C8orf34: variants seen among roughly 807,000 people sequenced by gnomAD.
C8orf34 encodes chromosome 8 open reading frame 34, also known as uncharacterized protein C8orf34.
A neutral mutation model predicts 68.3 loss-of-function variants in C8orf34; 65 were observed. The ratio of observed to expected loss-of-function variants is 0.95; its 90% CI spans 0.78 to 1.17. The LOEUF (loss-of-function observed/expected upper bound fraction) is 1.17, where lower values mean the gene tolerates loss of function less well. C8orf34 is among the 50% of genes most tolerant of loss of function. The pLI is 0.00. For synonymous variants in C8orf34, 244 were observed against 241.2 expected, an observed-to-expected ratio of 1.01 and a Z score of -0.11; for missense variants, 664 against 655.4, an observed-to-expected ratio of 1.01 and a Z score of -0.14.
At chr8:68,762,742 T>A (rs1481735705) in intron 10 of C8orf34, among the ~76,000 whole-genome samples, 1 of 152,236 alleles carries the variant, frequency 6.6e-6, no homozygotes, top group African/African-American at 2.4e-5. Context: ...TGATGTGGTT[T>A]GGCCTTCTCA....
chr8:68,684,817 T>C (rs1405079895), intron 8 of C8orf34, among the ~76,000 whole-genome samples: 1 of 152,006 alleles, frequency 6.6e-6, no homozygotes, highest in Non-Finnish European at 1.5e-5. Context: ...AAATTTCCCT[T>C]TTTGGTTTTA....
intron 8 of C8orf34, among the ~76,000 whole-genome samples, chr8:68,679,399 A>G (rs1820295486): frequency 6.6e-6 from 1 of 152,184 alleles, no homozygotes; most frequent in African/African-American, 2.4e-5. Context: ...AATAAAAACT[A>G]TAAAACACTG....
intron 1 of C8orf34, among the ~76,000 whole-genome samples, chr8:68,402,801 T>G (rs1809014907): frequency 6.6e-6 from 1 of 152,208 alleles, no homozygotes; most frequent in Non-Finnish European, 1.5e-5. Context: ...TTTTTAAAAA[T>G]GTGACTTATT....
chr8:68,569,438 G>C (rs917091355), intron 7 of C8orf34, among the ~76,000 whole-genome samples: 2 of 152,084 alleles, frequency 1.3e-5, no homozygotes, highest in Non-Finnish European at 2.9e-5. Context: ...AACACTTGTC[G>C]GCCCCTCCCC....
chr8:68,750,652 C>T (rs947113468), intron 10 of C8orf34, among the ~76,000 whole-genome samples: 2 of 151,958 alleles, frequency 1.3e-5, no homozygotes, highest in African/African-American at 2.4e-5. Flanking sequence ...GTGTGTGATC[C>T]GCAAACAGAA....
At chr8:68,369,120 T>A (rs964909252) in intron 1 of C8orf34, among the ~76,000 whole-genome samples, 4 of 152,226 alleles carry the variant, frequency 2.6e-5, no homozygotes, top group African/African-American at 9.6e-5. Flanking sequence ...AGCAGACAAG[T>A]AATAAATATT....
intron 7 of C8orf34, among the ~76,000 whole-genome samples, chr8:68,609,080 A>G (rs533208268): frequency 6.6e-6 from 1 of 152,280 alleles, no homozygotes; most frequent in South Asian, 2.1e-4. Context: ...AGTCTGAAGC[A>G]GGAGGATTGC....
intron 1 of C8orf34, among the ~76,000 whole-genome samples, chr8:68,342,899 T>C (rs1051968482): frequency 4.6e-4 from 70 of 151,926 alleles, no homozygotes; most frequent in African/African-American, 1.6e-3. Flanking sequence ...CTCTCCTTAA[T>C]AGGGAAAGAA....
chr8:68,725,641 G>A (rs926340033), intron 10 of C8orf34, among the ~76,000 whole-genome samples: 1 of 152,150 alleles, frequency 6.6e-6, no homozygotes, highest in African/African-American at 2.4e-5. Context: ...CCACTTTGCT[G>A]TGAAGTAGTG....
chr8:68,491,570 A>G (rs1471549788), intron 5 of C8orf34, among the ~76,000 whole-genome samples: 1 of 152,102 alleles, frequency 6.6e-6, no homozygotes, highest in Non-Finnish European at 1.5e-5. Context: ...TCTGTCTCTA[A>G]CTTCAGCCAG....
intron 7 of C8orf34, among the ~76,000 whole-genome samples, chr8:68,558,041 C>T (rs1267022535): frequency 2.6e-5 from 4 of 152,102 alleles, no homozygotes; most frequent in Non-Finnish European, 5.9e-5. Context: ...AATGTTCCAC[C>T]TAAAATATGA....
chr8:68,810,221 C>T lies in C8orf34; in HGVS notation c.1550-5665C>T, dbSNP rs76667044. Among the ~76,000 whole-genome samples the T allele has an allele frequency of 2.6e-4, 39 of 152,274 alleles. 2 individuals are homozygous for T. In the East Asian group the frequency reaches 6.8e-3, roughly 26 times the overall value. On this transcript the variant is annotated intron_variant, in intron 12 of 13. Transcript: ENST00000518698. ...GCCAGGCACAGAGTAGTAAGGGGTG[C>T]GTGAGTGAGCGGGCACAGGGTCTGG...
intron 5 of C8orf34, among the ~76,000 whole-genome samples, chr8:68,516,765 C>G (rs566018650): frequency 9.3e-4 from 142 of 152,188 alleles, no homozygotes; most frequent in African/African-American, 3.3e-3. Flanking sequence ...ATCTGCCTCC[C>G]GAGTAGCTGA....
intron 1 of C8orf34, among the ~76,000 whole-genome samples, chr8:68,334,076 T>A (rs1805746538): frequency 6.6e-6 from 1 of 152,358 alleles, no homozygotes; most frequent in East Asian, 1.9e-4. Context: ...CCTGTAGGGC[T>A]TATTTACCTA....
At chr8:68,356,340 T>G (rs1183789818) in intron 1 of C8orf34, among the ~76,000 whole-genome samples, 1 of 152,174 alleles carries the variant, frequency 6.6e-6, no homozygotes, top group Non-Finnish European at 1.5e-5. Flanking sequence ...TTACACCAAT[T>G]GGTACATATT....
intron 9 of C8orf34, among the ~76,000 whole-genome samples, chr8:68,713,907 A>G (rs1821395918): frequency 6.6e-6 from 1 of 152,204 alleles, no homozygotes; most frequent in African/African-American, 2.4e-5. Flanking sequence ...ATACTAGTAA[A>G]CCAAATCCAG....
At chr8:68,447,184 C>G (rs1811161066) in intron 3 of C8orf34, 1 of 152,356 alleles carries the variant, frequency 6.6e-6, no homozygotes, top group African/African-American at 2.4e-5. Flanking sequence ...GTGCCAGGCT[C>G]TTTTTAACAG....
intron 8 of C8orf34, among the ~76,000 whole-genome samples, chr8:68,697,475 G>C (rs1040212334): frequency 1.3e-5 from 2 of 152,032 alleles, no homozygotes; most frequent in Admixed American, 6.6e-5. Flanking sequence ...TAGAATCTTA[G>C]TGTGAGCATT....
intron 10 of C8orf34, among the ~76,000 whole-genome samples, chr8:68,740,393 C>A (rs1822247033): frequency 6.6e-6 from 1 of 151,854 alleles, no homozygotes; most frequent in Non-Finnish European, 1.5e-5. Context: ...GGAACTTAAA[C>A]AAATTTACAA....
Sources: allele counts gnomAD v4.1 joint callset (sites outside exome capture counted in the v4.1 genomes callset), GRCh38; gene constraint gnomAD v4.1.1; transcripts MANE v1.5; gene names NCBI Gene and HGNC (gene_info 2026-07-23, HGNC 2026-07-21).